ZFR: variants seen among roughly 807,000 people sequenced by gnomAD.
ZFR encodes zinc finger RNA-binding protein.
A neutral mutation model predicts 130.7 loss-of-function variants in ZFR; 19 were observed. The observed-to-expected ratio is 0.15, with a 90% CI of 0.10 to 0.21. The LOEUF (loss-of-function observed/expected upper bound fraction) is 0.21, where lower values mean the gene tolerates loss of function less well. Among genes scored for constraint, ZFR ranks in the 10% least tolerant of loss-of-function variants. The probability of loss-of-function intolerance (pLI) is 1.00; values close to 1 mark genes in which losing one functional copy is unlikely to be tolerated. For synonymous variants in ZFR, 466 were observed against 456.9 expected, an observed-to-expected ratio of 1.02 and a Z score of -0.25; for missense variants, 872 against 1,321.5, an observed-to-expected ratio of 0.66 and a Z score of 5.27.
chr5:32,384,067 T>C (rs947844950), intron 15 of ZFR, among the ~76,000 whole-genome samples: 3 of 152,220 alleles, frequency 2.0e-5, no homozygotes, highest in African/African-American at 7.2e-5. Flanking sequence ...CACTTTAGAC[T>C]TTTACAACAT....
chr5:32,391,696 A>G lies in ZFR; in HGVS notation c.1980-1259T>C, dbSNP rs1581693059. 2.6e-5 allele frequency among the ~76,000 whole-genome samples: 4 copies of G among 152,088 alleles called. No homozygotes were observed. The South Asian group carries it at 8.3e-4, about 32-fold the overall frequency. ...CTAATGTCATCTGTTAACATATAAG[A>G]AAGAAGTGCGCTTCCTGACTACCAT... On this transcript the variant is annotated intron_variant, in intron 11 of 19. Coordinates refer to ENST00000265069, the MANE Select transcript of ZFR (RefSeq NM_016107.5).
intron 2 of ZFR, among the ~76,000 whole-genome samples, chr5:32,424,686 A>T (rs1754033139): frequency 6.6e-6 from 1 of 152,238 alleles, no homozygotes; most frequent in Non-Finnish European, 1.5e-5. Flanking sequence ...TGAGCCTAGG[A>T]AGATTTTCTA....
At chr5:32,396,123 G>A (rs1410388514) in intron 10 of ZFR, among the ~76,000 whole-genome samples, 1 of 151,854 alleles carries the variant, frequency 6.6e-6, no homozygotes, top group African/African-American at 2.4e-5. Context: ...GGAGGCTGCG[G>A]TGGGAGGATC....
At chr5:32,435,330 C>T (rs992137445) in intron 2 of ZFR, among the ~76,000 whole-genome samples, 2 of 152,184 alleles carry the variant, frequency 1.3e-5, no homozygotes, top group Non-Finnish European at 2.9e-5. Context: ...AGCTAACCTT[C>T]TGTCAATTCA....
intron 2 of ZFR, among the ~76,000 whole-genome samples, chr5:32,443,412 C>T (rs755361324): frequency 3.3e-5 from 5 of 152,272 alleles, no homozygotes; most frequent in Non-Finnish European, 5.9e-5. Flanking sequence ...TCCCTCCCCA[C>T]CATTCCCCGC....
Position 32,355,727 on chromosome 5 carries a change from GTTTT to G in ZFR, c.*29_*32del, listed in dbSNP as rs762791855. 35 of 1,526,446 alleles carry G rather than the reference GTTTT, an allele frequency of 2.3e-5. 1 individual carries two copies. The South Asian group carries it at 2.7e-4, about 12-fold the overall frequency. The allele number at this position is 1,526,446 out of a possible 1,614,324, so 94.6% of individuals were successfully genotyped here. A position where few individuals can be genotyped will look rare whatever the true frequency, so the allele number is the denominator to read the frequency against. On this transcript the variant is annotated 3_prime_UTR_variant, in exon 20 of 20. Coordinates refer to ENST00000265069, the MANE Select transcript of ZFR (RefSeq NM_016107.5). ...AAAAACAGCCAACAAATGGGCATCTGTTTTTTTAACACTGAAGATTTACAGACAC... is the reference window on the plus strand; with the variant it reads ...AAAAACAGCCAACAAATGGGCATCTGTTTAACACTGAAGATTTACAGACAC...
chr5:32,373,491 T>C (rs561679301), intron 17 of ZFR, among the ~76,000 whole-genome samples: 2 of 152,190 alleles, frequency 1.3e-5, no homozygotes, highest in South Asian at 4.1e-4. Context: ...GCCAAAACTC[T>C]TGTGTTCGTC....
intron 2 of ZFR, among the ~76,000 whole-genome samples, chr5:32,436,901 CA>C (rs1329669811): frequency 6.6e-6 from 1 of 152,182 alleles, no homozygotes. Flanking sequence ...CGGTTTATGA[CA>C]TTTCATTTTC....
At position 32,435,759 on chromosome 5, in the gene ZFR, A is replaced by G. The variant is rs191250345; in HGVS notation, c.137+8470T>C. The stretch of plus-strand genomic sequence containing the variant: ...TGTATTTTATACTATAGCTTTTCCC[A>G]GAAATATGAATTCAAAAAATTTATT... On this transcript the variant is annotated intron_variant, in intron 2 of 19. Coordinates refer to ENST00000265069, the MANE Select transcript of ZFR (RefSeq NM_016107.5). 4.3e-4 allele frequency among the ~76,000 whole-genome samples: 65 copies of G among 152,332 alleles called. 1 individual carries two copies. Among genetic ancestry groups the G allele is most frequent in the African/African-American group, 1.5e-3 (63 of 41,576 alleles).
At chr5:32,438,251 AAATT>A (rs1466193375) in intron 2 of ZFR, among the ~76,000 whole-genome samples, 1,369 of 34,578 alleles carry the variant, frequency 0.04, 213 homozygotes, top group African/African-American at 0.1. Flanking sequence ...TTTTATCTGA[AAATT>A]TTTTTTTTTT....
chr5:32,356,297 C>T (rs779071571), intron 19 of ZFR, among the ~76,000 whole-genome samples: 73 of 152,298 alleles, frequency 4.8e-4, no homozygotes, highest in Non-Finnish European at 8.1e-4. Context: ...TGATGGCTTT[C>T]CTAGGCATTT....
chr5:32,421,807 C>A (rs1753965306), intron 2 of ZFR, among the ~76,000 whole-genome samples: 3 of 152,086 alleles, frequency 2.0e-5, no homozygotes, highest in Non-Finnish European at 4.4e-5. Flanking sequence ...TGATATAAAA[C>A]TAACATTTTC....
At chr5:32,444,017 TG>T (rs1754535613) in intron 2 of ZFR, among the ~76,000 whole-genome samples, 1 of 137,142 alleles carries the variant, frequency 7.3e-6, no homozygotes, top group African/African-American at 2.7e-5. Flanking sequence ...TCCCCCCTAC[TG>T]GGGGCCGCTC....
intron 13 of ZFR, 136 bp downstream of exon 13, chr5:32,388,333 G>T: frequency 1.2e-6 from 1 of 822,902 alleles, no homozygotes; most frequent in Non-Finnish European, 1.9e-6. Context: ...CAGAATACAT[G>T]AAATATCGAA....
chr5:32,370,351 G>GAGAGAGAC (rs1240679335), intron 17 of ZFR, among the ~76,000 whole-genome samples: 20 of 1,650 alleles, frequency 0.012, no homozygotes, highest in Admixed American at 0.049. Context: ...GAGAGAGAGA[G>GAGAGAGAC]AGACAGACAG....
chr5:32,368,943 C>A (rs1031698765), intron 17 of ZFR, among the ~76,000 whole-genome samples: 2 of 147,126 alleles, frequency 1.4e-5, no homozygotes, highest in Middle Eastern at 3.2e-3. Flanking sequence ...GTCCAGTTGA[C>A]ATGGATCACT....
intron 17 of ZFR, among the ~76,000 whole-genome samples, chr5:32,377,390 C>T (rs1357597292): frequency 1.3e-5 from 2 of 150,610 alleles, no homozygotes; most frequent in African/African-American, 4.9e-5. Context: ...GCATGTTGGT[C>T]AGGGCAGTCT....
rs70961626 is a variant in ZFR, at chr5:32,397,849, C to CTTTTTTTTT, written c.1714-520_1714-512dup. Among the ~76,000 whole-genome samples the CTTTTTTTTT allele has an allele frequency of 9.9e-4, 66 of 66,878 alleles. 11 individuals are homozygous for CTTTTTTTTT. The highest frequency in any genetic ancestry group is 2.3e-3 in the African/African-American group (37 of 15,910). The allele number at this position is 66,878 out of a possible 152,430, so 43.9% of individuals were successfully genotyped here. ...TGATAGCATGTGTTTGCTCTTGTATCTTTTTTTTTTTTTTTTTTTTTTTTT... is the reference window on the plus strand; with the variant it reads ...TGATAGCATGTGTTTGCTCTTGTATCTTTTTTTTTTTTTTTTTTTTTTTTTTTTTTTTTT... On this transcript the variant is annotated intron_variant, in intron 9 of 19. Transcript: ENST00000265069.
chr5:32,363,226 C>T (rs1000710426), intron 19 of ZFR, among the ~76,000 whole-genome samples: 3 of 152,066 alleles, frequency 2.0e-5, no homozygotes, highest in Admixed American at 2.0e-4. Context: ...TGCTTTTTTC[C>T]CCTACTCAGC....
Sources: allele counts gnomAD v4.1 joint callset (sites outside exome capture counted in the v4.1 genomes callset), GRCh38; gene constraint gnomAD v4.1.1; transcripts MANE v1.5; gene names NCBI Gene and HGNC (gene_info 2026-07-23, HGNC 2026-07-21).